Variants in MYLK observed in about 807,000 individuals in gnomAD.
MYLK encodes myosin light chain kinase, smooth muscle.
A neutral mutation model predicts 203.4 loss-of-function variants in MYLK; 106 were observed. The observed-to-expected ratio is 0.52, with a 90% CI of 0.45 to 0.61. The LOEUF is 0.61. MYLK is among the 20% of genes least tolerant of loss of function. MYLK has a pLI of 0.00. For missense variants in MYLK, 2,072 were observed against 2,442.3 expected (o/e 0.85, Z 3.20); for synonymous variants, 867 against 959.5 (o/e 0.90, Z 1.78).
chr3:123,833,209 G>A (rs960677595), intron 2 of MYLK, among the ~76,000 whole-genome samples: 1 of 152,102 alleles, frequency 6.6e-6, no homozygotes, highest in Non-Finnish European at 1.5e-5. Flanking sequence ...AGGACCAAAT[G>A]AGAGCTCAAG....
rs1309709495 is a variant in MYLK at position 123,611,666 on chromosome 3, T to C, written c.*2439A>G. On this transcript the variant is annotated 3_prime_UTR_variant, in exon 34 of 34. Coordinates refer to ENST00000360304, the MANE Select transcript of MYLK (RefSeq NM_053025.4). Reference sequence around the variant, plus strand: ...TTTTATTTCTATTATTATTACATTGTAATAATATATTTTATTATAATATAA... The same window carrying C: ...TTTTATTTCTATTATTATTACATTGCAATAATATATTTTATTATAATATAA... 1 of 152,460 alleles carries C rather than the reference T, an allele frequency of 6.6e-6. No individual in the cohort carries two copies. Among genetic ancestry groups the C allele is most frequent in the Non-Finnish European group, 1.5e-5 (1 of 68,454 alleles). 9.4% of individuals were successfully genotyped at this position (152,460 alleles called of 1,614,324 possible). A position where few individuals can be genotyped will look rare whatever the true frequency, so the allele number is the denominator to read the frequency against.
intron 12 of MYLK, among the ~76,000 whole-genome samples, chr3:123,725,433 G>A (rs2062245285): frequency 6.6e-6 from 1 of 152,152 alleles, no homozygotes; most frequent in African/African-American, 2.4e-5. Flanking sequence ...AGTCTCTATA[G>A]GACTATCAGT....
At chr3:123,872,872 C>T (rs1226570284) in intron 2 of MYLK, among the ~76,000 whole-genome samples, 1 of 152,142 alleles carries the variant, frequency 6.6e-6, no homozygotes, top group Non-Finnish European at 1.5e-5. Context: ...CAGCCCTTCT[C>T]CCCTCCCCAG....
intron 3 of MYLK, among the ~76,000 whole-genome samples, chr3:123,808,660 G>A (rs2065452222): frequency 6.6e-6 from 1 of 152,138 alleles, no homozygotes; most frequent in Non-Finnish European, 1.5e-5. Context: ...TCCAATTACA[G>A]AAAGGAAACC....
chr3:123,673,156 C>G (rs796210918), intron 20 of MYLK, among the ~76,000 whole-genome samples: 1 of 63,678 alleles, frequency 1.6e-5, no homozygotes, highest in African/African-American at 3.0e-5. Flanking sequence ...TTCTTTTTTT[C>G]TTTTCTTTTT....
intron 2 of MYLK, among the ~76,000 whole-genome samples, chr3:123,864,378 T>G (rs2032166852): frequency 6.6e-6 from 1 of 152,160 alleles, no homozygotes. Flanking sequence ...TAAACAATAT[T>G]CAACTCAAGG....
At chr3:123,735,570 C>A (rs1019788376) in intron 8 of MYLK, 154 bp from the exon 9 acceptor site, 3 of 791,966 alleles carry the variant, frequency 3.8e-6, no homozygotes, top group Non-Finnish European at 4.4e-6. Flanking sequence ...GAACTCCCCC[C>A]AGCCCTAGAG....
chr3:123,845,705 G>A (rs1434437973), intron 2 of MYLK, among the ~76,000 whole-genome samples: 1 of 152,026 alleles, frequency 6.6e-6, no homozygotes, highest in African/African-American at 2.4e-5. Context: ...GCGCAGGCTG[G>A]AGTACAATGG....
intron 16 of MYLK, among the ~76,000 whole-genome samples, chr3:123,704,684 A>G (rs980878938): frequency 1.3e-5 from 2 of 150,292 alleles, no homozygotes; most frequent in Non-Finnish European, 2.9e-5. Context: ...TGGGCGAATC[A>G]TGAGGTCAGG....
At chr3:123,750,077 T>G (rs956213111) in intron 5 of MYLK, among the ~76,000 whole-genome samples, 9 of 152,238 alleles carry the variant, frequency 5.9e-5, no homozygotes, top group African/African-American at 2.2e-4. Context: ...CTTTCAGGCC[T>G]AGGTCTGTGG....
At chr3:123,830,446 C>A (rs1469006023) in intron 3 of MYLK, among the ~76,000 whole-genome samples, 2 of 152,196 alleles carry the variant, frequency 1.3e-5, no homozygotes, top group Non-Finnish European at 2.9e-5. Context: ...GCAGGCCCTA[C>A]ATACTTCGAT....
intron 10 of MYLK, 82 bp from the exon 11 acceptor site, chr3:123,733,184 G>A: frequency 6.7e-7 from 1 of 1,488,158 alleles, no homozygotes; most frequent in Non-Finnish European, 9.2e-7. Context: ...GAAGGTGTGA[G>A]CTGGAGGAAA....
intron 19 of MYLK, among the ~76,000 whole-genome samples, chr3:123,687,444 G>A (rs573062512): frequency 6.6e-6 from 1 of 152,238 alleles, no homozygotes; most frequent in African/African-American, 2.4e-5. Context: ...GTCTCTGTTT[G>A]CCTGAGATGA....
At chr3:123,723,927 GTAAT>G (rs33937316) in intron 12 of MYLK, among the ~76,000 whole-genome samples, 146,118 of 152,136 alleles carry the variant, frequency 0.96, 70,417 homozygotes, top group East Asian at 1. Context: ...AAATATAAAG[GTAAT>G]TAATATATCT....
chr3:123,736,011 A>G (rs72970880), intron 8 of MYLK, among the ~76,000 whole-genome samples: 6,929 of 152,172 alleles, frequency 0.046, 351 homozygotes, highest in African/African-American at 0.13. Context: ...CAGGCAACAT[A>G]TTTTGTCATG....
chr3:123,793,061 C>T (rs1285318135), intron 4 of MYLK, among the ~76,000 whole-genome samples: 22 of 152,212 alleles, frequency 1.4e-4, no homozygotes, highest in Admixed American at 1.4e-3. Flanking sequence ...TCTTAGACTG[C>T]TGAGTCATAG....
At chr3:123,735,674 T>C in intron 8 of MYLK, 1 of 471,500 alleles carries the variant, frequency 2.1e-6, no homozygotes, top group South Asian at 3.0e-5. Flanking sequence ...TTCTGTTCAC[T>C]AAACAGAAGG....
Position 123,655,524 on chromosome 3 carries a change from G to T in MYLK, c.4288+1602C>A, listed in dbSNP as rs190371143. Among the ~76,000 whole-genome samples the T allele has an allele frequency of 2.0e-5, 3 of 152,244 alleles. No homozygotes were observed. In the East Asian group the frequency reaches 5.8e-4, roughly 29 times the overall value. On this transcript the variant is annotated intron_variant, in intron 24 of 33. Transcript: ENST00000360304. ...CAACAGTCTTAGGATACCTTCCCTC[G>T]GCTAGCCCTTAGATGCCTCAACTCA... is the stretch of plus-strand genomic sequence containing the variant.
chr3:123,752,237 T>A, intron 5 of MYLK, 94 bp downstream of exon 5: 8 of 1,316,262 alleles, frequency 6.1e-6, no homozygotes, highest in Non-Finnish European at 8.8e-6. Context: ...TGTCAGTTCC[T>A]CCATCCTTCA....
Sources: allele counts gnomAD v4.1 joint callset (sites outside exome capture counted in the v4.1 genomes callset), GRCh38; gene constraint gnomAD v4.1.1; transcripts MANE v1.5; gene names NCBI Gene and HGNC (gene_info 2026-07-23, HGNC 2026-07-21).